The following SERPINE3 variants were observed in gnomAD, a reference collection of about 807,000 sequenced individuals.
SERPINE3 encodes serpin family E member 3.
A neutral mutation model predicts 41.7 loss-of-function variants in SERPINE3; 43 were observed. The observed-to-expected ratio is 1.03, with a 90% CI of 0.81 to 1.33. The LOEUF is 1.33. SERPINE3 is among the 40% of genes most tolerant of loss of function. The pLI is 0.00. For synonymous variants in SERPINE3, 200 were observed against 192.2 expected (o/e 1.04, Z -0.34); for missense variants, 440 against 491.7 (o/e 0.89, Z 0.99).
At chr13:51,358,190 T>TA (rs2137816035) in intron 7 of SERPINE3, among the ~76,000 whole-genome samples, 2 of 152,198 alleles carry the variant, frequency 1.3e-5, no homozygotes, top group East Asian at 3.9e-4. Context: ...CCCTAACACT[T>TA]AGTGTTAGCA....
At chr13:51,355,346 A>G (rs141588991) in intron 7 of SERPINE3, among the ~76,000 whole-genome samples, 4 of 152,278 alleles carry the variant, frequency 2.6e-5, no homozygotes, top group Non-Finnish European at 5.9e-5. Flanking sequence ...TTCAGGCCTT[A>G]ATCATGGTTT....
intron 9 of SERPINE3, chr13:51,362,268 A>G (rs17837215): frequency 0.015 from 5,140 of 354,324 alleles, 90 homozygotes; most frequent in East Asian, 0.068. Context: ...GAGTTTTTTC[A>G]GGTCACTAGA....
intron 6 of SERPINE3, among the ~76,000 whole-genome samples, chr13:51,348,954 C>A (rs1213225712): frequency 6.7e-6 from 1 of 148,442 alleles, no homozygotes; most frequent in Admixed American, 6.7e-5. Context: ...GAGGTGAACT[C>A]TCCTTTAAGA....
chr13:51,341,440 C>T, intron 3 of SERPINE3, 93 bp downstream of exon 3: 2 of 1,216,380 alleles, frequency 1.6e-6, no homozygotes, highest in South Asian at 2.9e-5. Context: ...CACACTCACT[C>T]TCTCCAGCTT....
chr13:51,357,086 A>G (rs1189100030), intron 7 of SERPINE3, among the ~76,000 whole-genome samples: 1 of 152,202 alleles, frequency 6.6e-6, no homozygotes, highest in Admixed American at 6.6e-5. Flanking sequence ...CTGCTACAGC[A>G]GCAAAACTGA....
chr13:51,344,522 A>T (rs1196927509), intron 4 of SERPINE3, 37 bp downstream of exon 4: 1 of 1,471,578 alleles, frequency 6.8e-7, no homozygotes, highest in Non-Finnish European at 9.3e-7. Context: ...AGGCTAAGGC[A>T]GAGGGCTGCA....
intron 9 of SERPINE3, chr13:51,362,209 T>C: frequency 3.2e-6 from 2 of 627,432 alleles, no homozygotes; most frequent in Non-Finnish European, 4.9e-6. Context: ...AAATAAATTA[T>C]AAATCTTGCC....
chr13:51,362,181 G>T, intron 9 of SERPINE3: 4 of 715,332 alleles, frequency 5.6e-6, no homozygotes, highest in South Asian at 3.1e-5. Context: ...GAAGACACTT[G>T]GAAAAATCAT....
chr13:51,348,105 C>T (rs936312737), intron 5 of SERPINE3, 108 bp from the exon 6 acceptor site: 3 of 802,278 alleles, frequency 3.7e-6, no homozygotes, highest in Admixed American at 2.7e-5. Flanking sequence ...GGTGGATGCT[C>T]GGTTTTATTG....
Position 51,347,173 on chromosome 13 carries a change from C to G in SERPINE3, c.639C>G (p.Thr213=). 6.2e-7 allele frequency: 1 copy of G among 1,614,020 alleles called. No individual in the cohort carries two copies. The highest frequency in any genetic ancestry group is 8.5e-7 in the Non-Finnish European group (1 of 1,179,886). Residue 213 remains threonine, a synonymous_variant, in exon 5 of 10, where the codon ACC becomes ACG. Transcript: ENST00000681248. ...SSTDTQILPF[T]CAYGLVLQVP... ...CAGACACACAGATCCTGCCTTTCACCTGTGCCTATGGCCTCGTCCTTCAGG... is the reference window on the plus strand; with the variant it reads ...CAGACACACAGATCCTGCCTTTCACGTGTGCCTATGGCCTCGTCCTTCAGG...
intron 7 of SERPINE3, among the ~76,000 whole-genome samples, chr13:51,360,781 G>A (rs1207739674): frequency 6.6e-6 from 1 of 151,986 alleles, no homozygotes; most frequent in African/African-American, 2.4e-5. Flanking sequence ...ATAAAAACCT[G>A]TGACTTTGTC....
chr13:51,347,692 C>CG (rs1955361481), intron 5 of SERPINE3, among the ~76,000 whole-genome samples: 1 of 152,132 alleles, frequency 6.6e-6, no homozygotes, highest in Non-Finnish European at 1.5e-5. Flanking sequence ...TTAAACTGCA[C>CG]GCCCTTCTGA....
rs1185396997 is a variant in SERPINE3, at chr13:51,347,114, T to C, written c.580T>C (p.Phe194Leu). 6.2e-7 allele frequency: 1 copy of C among 1,612,720 alleles called. No homozygotes were observed. Among genetic ancestry groups the C allele is most frequent in the South Asian group, 1.1e-5 (1 of 90,572 alleles). Residue 194 changes from phenylalanine (F) to leucine (L), a missense_variant, in exon 5 of 10, where the codon TTC (phenylalanine) becomes CTC (leucine). Physicochemically the swap from Phe to Leu is conservative, Grantham distance 22. Coordinates refer to ENST00000681248, the MANE Select transcript of SERPINE3 (RefSeq NM_001386375.1). ...AQLVLVSTMS[F>L]QGTWRKRFSS... Reference sequence around the variant, plus strand: ...GCTTGTGCTTGTGAGCACCATGTCCTTCCAAGGCACTTGGCGAAAGAGATT... The same window carrying C: ...GCTTGTGCTTGTGAGCACCATGTCCCTCCAAGGCACTTGGCGAAAGAGATT...
chr13:51,345,873 G>C (rs1488279364), intron 4 of SERPINE3, among the ~76,000 whole-genome samples: 2 of 152,202 alleles, frequency 1.3e-5, no homozygotes, highest in African/African-American at 2.4e-5. Context: ...GGGGCAGTTG[G>C]CTCAGTTGCT....
chr13:51,341,697 C>T (rs1220175118), intron 3 of SERPINE3, among the ~76,000 whole-genome samples: 1 of 152,220 alleles, frequency 6.6e-6, no homozygotes, highest in Non-Finnish European at 1.5e-5. Flanking sequence ...TAGTGCCTTC[C>T]TAGGTGCCAG....
intron 7 of SERPINE3, among the ~76,000 whole-genome samples, chr13:51,359,422 T>C (rs1208238827): frequency 6.6e-6 from 1 of 152,134 alleles, no homozygotes; most frequent in African/African-American, 2.4e-5. Context: ...GGGCATGACA[T>C]AGGCTATGGA....
In SERPINE3 at chr13:51,348,250, G is replaced by A. The variant is rs780533347; in HGVS notation, c.738G>A (p.Val246=). The A allele has an allele frequency of 2.9e-5, 47 of 1,603,786 alleles. No individual in the cohort carries two copies. In the South Asian group the frequency reaches 5.3e-4, roughly 18 times the overall value. Residue 246 remains valine, a synonymous_variant, in exon 6 of 10, where the codon GTG becomes GTA. Coordinates refer to ENST00000681248, the MANE Select transcript of SERPINE3 (RefSeq NM_001386375.1). ...FQDTAGHQVG[V]LELPYLGSAV... ...ACACTGCAGGCCATCAGGTGGGGGT[G>A]CTGGAGCTTCCTTACCTGGGAAGTG...
chr13:51,347,135 A>T lies in SERPINE3; in HGVS notation c.601A>T (p.Arg201Ter). Residue 201 changes from arginine to a stop codon, truncating the protein, a stop_gained, in exon 5 of 10, where the codon AGA (arginine) becomes TGA (stop). Transcript: ENST00000681248. LOFTEE classifies it high-confidence loss of function. ...TMSFQGTWRK[R>*]FSSTDTQILP... ...GTCCTTCCAAGGCACTTGGCGAAAGAGATTCTCCTCCACAGACACACAGAT... is the reference window on the plus strand; with the variant it reads ...GTCCTTCCAAGGCACTTGGCGAAAGTGATTCTCCTCCACAGACACACAGAT... The T allele has an allele frequency of 2.5e-6, 4 of 1,613,826 alleles. No homozygotes were observed. The highest frequency in any genetic ancestry group is 3.4e-6 in the Non-Finnish European group (4 of 1,179,832).
chr13:51,340,607 T>A (rs1014014796), intron 1 of SERPINE3, among the ~76,000 whole-genome samples, 177 bp from the exon 2 acceptor site: 1 of 152,224 alleles, frequency 6.6e-6, no homozygotes, highest in Non-Finnish European at 1.5e-5. Context: ...CTAGTGAGAT[T>A]GTTGGGATGA....
Sources: allele counts gnomAD v4.1 joint callset (sites outside exome capture counted in the v4.1 genomes callset), GRCh38; gene constraint gnomAD v4.1.1; transcripts MANE v1.5; gene names NCBI Gene and HGNC (gene_info 2026-07-23, HGNC 2026-07-21).